Variants in COL23A1 observed in about 807,000 individuals in gnomAD.
COL23A1 encodes collagen type XXIII alpha 1 chain, also known as collagen alpha-1(XXIII) chain.
A neutral mutation model predicts 99.3 loss-of-function variants in COL23A1; 97 were observed. The observed-to-expected ratio is 0.98, with a 90% confidence interval of 0.83 to 1.16. The LOEUF is 1.16. Among genes scored for constraint, COL23A1 ranks in the 50% most tolerant of loss-of-function variants. The pLI is 0.00. For synonymous variants in COL23A1, 320 were observed against 308.2 expected (o/e 1.04, Z -0.40); for missense variants, 762 against 757.4 (o/e 1.01, Z -0.07).
At chr5:178,239,393 T>C (rs1052008964) in intron 27 of COL23A1, among the ~76,000 whole-genome samples, 2 of 152,184 alleles carry the variant, frequency 1.3e-5, no homozygotes, top group African/African-American at 4.8e-5. Flanking sequence ...ACTGAGCTTG[T>C]CCTGAGTGTG....
At chr5:178,510,064 C>T (rs1272788358) in intron 2 of COL23A1, among the ~76,000 whole-genome samples, 1 of 152,212 alleles carries the variant, frequency 6.6e-6, no homozygotes, top group African/African-American at 2.4e-5. Context: ...ACACAGCTTC[C>T]TTGTGTCTCT....
chr5:178,510,029 C>CAAAT lies in COL23A1; in HGVS notation c.361+50652_361+50653insATTT, dbSNP rs10677812. On this transcript the variant is annotated intron_variant, in intron 2 of 28. Transcript: ENST00000390654. ...CGTAGGAAGTACGCAAAGCCTTCAC[C>CAAAT]ATTTACACCAAGAAAGTGCTCTGCA... 6.6e-3 allele frequency among the ~76,000 whole-genome samples: 1,002 copies of CAAAT among 152,304 alleles called. 7 individuals are homozygous for CAAAT. The highest frequency in any genetic ancestry group is 0.019 in the African/African-American group (792 of 41,562).
intron 3 of COL23A1, among the ~76,000 whole-genome samples, chr5:178,304,985 G>A (rs1243406085): frequency 6.6e-6 from 1 of 152,154 alleles, no homozygotes; most frequent in Non-Finnish European, 1.5e-5. Flanking sequence ...AATGGATTTT[G>A]GAGTAAGCTG....
intron 2 of COL23A1, among the ~76,000 whole-genome samples, chr5:178,380,393 T>TTGTGTGTGTGTGTGTGTG (rs112420315): frequency 6.8e-6 from 1 of 147,130 alleles, no homozygotes; most frequent in Non-Finnish European, 1.5e-5. Flanking sequence ...GAGCATGCAT[T>TTGTGTGTGTGTGTGTGTG]TGTGTGTGTG....
chr5:178,399,846 T>C (rs1182992832), intron 2 of COL23A1, among the ~76,000 whole-genome samples: 5 of 152,146 alleles, frequency 3.3e-5, no homozygotes, highest in Non-Finnish European at 7.3e-5. Flanking sequence ...ACTGACATGA[T>C]TGTTCTCTCA....
chr5:178,415,076 T>A lies in COL23A1; in HGVS notation c.362-108157A>T, dbSNP rs1413365417. On this transcript the variant is annotated intron_variant, in intron 2 of 28. Transcript: ENST00000390654. This position sits in a 1 kb window ranked among gnomAD's most constrained non-coding sequence, Gnocchi z 4.6. ...GGCAGGTTTTTAAACAGTTTGTGCC[T>A]CAGTTTCTCAGCACGAAACCCGGAA... 6.6e-6 allele frequency among the ~76,000 whole-genome samples: 1 copy of A among 152,168 alleles called. No individual in the cohort carries two copies. Among genetic ancestry groups the A allele is most frequent in the Non-Finnish European group, 1.5e-5 (1 of 68,024 alleles).
At chr5:178,536,259 C>A (rs1760935366) in intron 2 of COL23A1, among the ~76,000 whole-genome samples, 1 of 152,260 alleles carries the variant, frequency 6.6e-6, no homozygotes, top group African/African-American at 2.4e-5. Flanking sequence ...TGCCTGCCTC[C>A]TCACGGGAGA....
chr5:178,545,624 C>G (rs1355689468), intron 2 of COL23A1, among the ~76,000 whole-genome samples: 1 of 152,128 alleles, frequency 6.6e-6, no homozygotes. Flanking sequence ...CCAGGAGTTG[C>G]TTTCTCTCCA....
At chr5:178,363,202 G>A (rs1436357197) in intron 2 of COL23A1, among the ~76,000 whole-genome samples, 1 of 152,002 alleles carries the variant, frequency 6.6e-6, no homozygotes, top group Non-Finnish European at 1.5e-5. Flanking sequence ...CTAAGCATCA[G>A]CCCATGCCCT....
intron 1 of COL23A1, among the ~76,000 whole-genome samples, chr5:178,588,164 T>C (rs190675914): frequency 6.6e-6 from 1 of 152,084 alleles, no homozygotes; most frequent in African/African-American, 2.4e-5. Context: ...GTCCAATAAC[T>C]CATTGTTCAA....
At chr5:178,491,492 C>T (rs748227182) in intron 2 of COL23A1, among the ~76,000 whole-genome samples, 5 of 152,080 alleles carry the variant, frequency 3.3e-5, no homozygotes, top group Admixed American at 6.6e-5. Context: ...CTACAGACAA[C>T]GGCTAAACCC....
chr5:178,310,057 GACACAGGGCC>G lies in COL23A1; in HGVS notation c.362-3148_362-3139del, dbSNP rs1201812428. 1.3e-5 allele frequency among the ~76,000 whole-genome samples: 2 copies of G among 152,230 alleles called. No homozygotes were observed. Among genetic ancestry groups the G allele is most frequent in the Non-Finnish European group, 2.9e-5 (2 of 68,036 alleles). ...CCAGCAAGCTCCAGGGCTTAGGAGAGACACAGGGCCACCTGGTCTGATGTGACGTGCCAGT... is the reference window on the plus strand; with the variant it reads ...CCAGCAAGCTCCAGGGCTTAGGAGAGACCTGGTCTGATGTGACGTGCCAGT... On this transcript the variant is annotated intron_variant, in intron 2 of 28. Coordinates refer to ENST00000390654, the MANE Select transcript of COL23A1 (RefSeq NM_173465.4). The surrounding 1 kb of genome is among the most constrained non-coding windows in gnomAD (Gnocchi z 4.3).
chr5:178,379,895 A>G (rs1250311155), intron 2 of COL23A1, among the ~76,000 whole-genome samples: 1 of 150,004 alleles, frequency 6.7e-6, no homozygotes, highest in Non-Finnish European at 1.5e-5. Flanking sequence ...AAAAAAAAAA[A>G]GAAAAGAAAA....
chr5:178,528,019 C>G (rs1346197591), intron 2 of COL23A1, among the ~76,000 whole-genome samples: 4 of 152,196 alleles, frequency 2.6e-5, no homozygotes, highest in African/African-American at 9.7e-5. Context: ...AGGGGAAGGC[C>G]TAGAACACAT....
At chr5:178,434,000 C>T (rs1355690783) in intron 2 of COL23A1, among the ~76,000 whole-genome samples, 1 of 152,178 alleles carries the variant, frequency 6.6e-6, no homozygotes, top group Admixed American at 6.5e-5. Context: ...GGAGAGAGGC[C>T]TCAGGAGAAA....
intron 2 of COL23A1, among the ~76,000 whole-genome samples, chr5:178,317,844 G>A (rs1220078384): frequency 6.6e-6 from 1 of 152,168 alleles, no homozygotes; most frequent in Non-Finnish European, 1.5e-5. Flanking sequence ...AAGGTGAAAG[G>A]CACATCTTAC....
intron 2 of COL23A1, among the ~76,000 whole-genome samples, chr5:178,379,924 A>G (rs1233767684): frequency 6.6e-6 from 1 of 152,082 alleles, no homozygotes; most frequent in Non-Finnish European, 1.5e-5. Context: ...AAAACAAGGA[A>G]AAATAACTAC....
chr5:178,488,103 A>G (rs1307866619), intron 2 of COL23A1, among the ~76,000 whole-genome samples: 1 of 152,228 alleles, frequency 6.6e-6, no homozygotes, highest in Non-Finnish European at 1.5e-5. Flanking sequence ...CCTGGCACAC[A>G]CGGAGCACTC....
rs898744967 is a variant in COL23A1, at chr5:178,265,575, G to A, written c.522+1732C>T. On this transcript the variant is annotated intron_variant, in intron 8 of 28. Coordinates refer to ENST00000390654, the MANE Select transcript of COL23A1 (RefSeq NM_173465.4). ...CCTCCCTCAGGGATTGGATGGCTGA[G>A]GTCTAACCCTGCAAACGTGGGGTGA... The A allele has an allele frequency of 4.6e-6, 3 of 658,512 alleles. No individual in the cohort carries two copies. The African/African-American group carries it at 5.9e-5, about 13-fold the overall frequency. 40.8% of individuals were successfully genotyped at this position (658,512 alleles called of 1,614,324 possible).
Sources: allele counts gnomAD v4.1 joint callset (sites outside exome capture counted in the v4.1 genomes callset), GRCh38; gene constraint gnomAD v4.1.1; non-coding constraint Gnocchi (gnomAD v3.1); transcripts MANE v1.5; gene names NCBI Gene and HGNC (gene_info 2026-07-23, HGNC 2026-07-21).